GXYLT2: variants seen among roughly 807,000 people sequenced by gnomAD.
GXYLT2 encodes glycosyltransferase 8 domain containing 4.
In GXYLT2, 53 loss-of-function variants were observed where a neutral mutation model predicts 45.8. The ratio of observed to expected loss-of-function variants is 1.16; its 90% CI spans 0.93 to 1.46. The LOEUF (loss-of-function observed/expected upper bound fraction) is 1.46. GXYLT2 is among the 40% of genes most tolerant of loss of function. The pLI is 0.00. For missense variants in GXYLT2, 551 were observed against 544.4 expected (o/e 1.01, Z -0.12); for synonymous variants, 219 against 214.2 (o/e 1.02, Z -0.19).
At chr3:72,956,913 A>C (rs1710660945) in intron 4 of GXYLT2, among the ~76,000 whole-genome samples, 1 of 124,952 alleles carries the variant, frequency 8.0e-6, no homozygotes, top group African/African-American at 2.9e-5. Context: ...AAACAAAAAC[A>C]CAGGAAGGAA....
intron 2 of GXYLT2, 74 bp downstream of exon 2, chr3:72,908,633 T>C (rs1350954191): frequency 8.5e-7 from 1 of 1,176,874 alleles, no homozygotes; most frequent in East Asian, 2.4e-5. Context: ...GCATATTCTG[T>C]TAACTAATGT....
chr3:72,891,430 C>T (rs758017059), intron 1 of GXYLT2, among the ~76,000 whole-genome samples: 1 of 152,190 alleles, frequency 6.6e-6, no homozygotes, highest in Non-Finnish European at 1.5e-5. Context: ...CAAGGATTTG[C>T]CTCGTTAGTA....
intron 1 of GXYLT2, among the ~76,000 whole-genome samples, chr3:72,899,477 C>A (rs1049859884): frequency 6.6e-6 from 1 of 152,168 alleles, no homozygotes; most frequent in African/African-American, 2.4e-5. Flanking sequence ...AACTCGAAAC[C>A]ATGGGTCATT....
chr3:72,956,240 C>CT, intron 4 of GXYLT2, among the ~76,000 whole-genome samples: 1 of 151,122 alleles, frequency 6.6e-6, no homozygotes, highest in Non-Finnish European at 1.5e-5. Context: ...GACCCTGTCT[C>CT]TAAAAAAAGA....
chr3:72,972,642 G>GAAAAA (rs71126813), intron 6 of GXYLT2, among the ~76,000 whole-genome samples: 2 of 84,550 alleles, frequency 2.4e-5, no homozygotes, highest in South Asian at 4.4e-4. Flanking sequence ...CTCTGTCTCG[G>GAAAAA]AAAAAAAAAA....
chr3:72,961,533 G>C (rs756961289), intron 5 of GXYLT2, among the ~76,000 whole-genome samples: 1 of 151,664 alleles, frequency 6.6e-6, no homozygotes, highest in Non-Finnish European at 1.5e-5. Flanking sequence ...ATTCTATTCT[G>C]TCTCTCAGAC....
intron 5 of GXYLT2, among the ~76,000 whole-genome samples, chr3:72,966,551 C>T (rs1710870877): frequency 6.8e-6 from 1 of 148,020 alleles, no homozygotes; most frequent in South Asian, 2.1e-4. Flanking sequence ...CCTCTAACTC[C>T]TGGGCTCAAG....
At chr3:72,924,735 A>AG (rs1382696580) in intron 3 of GXYLT2, among the ~76,000 whole-genome samples, 1 of 152,062 alleles carries the variant, frequency 6.6e-6, no homozygotes, top group Non-Finnish European at 1.5e-5. Flanking sequence ...TAAGAGTTGA[A>AG]GGGGGAGTGA....
intron 3 of GXYLT2, among the ~76,000 whole-genome samples, chr3:72,945,095 G>A (rs57757190): frequency 0.11 from 17,057 of 148,646 alleles, 1,380 homozygotes; most frequent in East Asian, 0.31. Context: ...TGGCTAACAC[G>A]GTGAAACCCT....
chr3:72,905,365 G>T (rs546561132), intron 1 of GXYLT2, among the ~76,000 whole-genome samples: 1 of 152,126 alleles, frequency 6.6e-6, no homozygotes, highest in Non-Finnish European at 1.5e-5. Flanking sequence ...TGGTCTGCCC[G>T]CCTCGAACTC....
intron 1 of GXYLT2, among the ~76,000 whole-genome samples, chr3:72,904,939 C>T (rs1476080293): frequency 3.3e-5 from 5 of 149,594 alleles, no homozygotes; most frequent in African/African-American, 4.9e-5. Context: ...GTCCCAGCTA[C>T]TTGGGAGGCT....
chr3:72,916,261 G>C (rs111746081), intron 2 of GXYLT2, among the ~76,000 whole-genome samples: 1,719 of 149,878 alleles, frequency 0.011, 37 homozygotes, highest in African/African-American at 0.04. Context: ...AGAATACTGA[G>C]CACAGCCCCT....
intron 5 of GXYLT2, among the ~76,000 whole-genome samples, chr3:72,962,046 G>C (rs144695104): frequency 3.9e-5 from 6 of 152,248 alleles, no homozygotes; most frequent in Non-Finnish European, 7.4e-5. Context: ...CACTCACATG[G>C]GACAAGTCTC....
intron 6 of GXYLT2, among the ~76,000 whole-genome samples, chr3:72,969,072 A>G (rs1710933043): frequency 6.6e-6 from 1 of 150,820 alleles, no homozygotes; most frequent in Non-Finnish European, 1.5e-5. Flanking sequence ...CTCCATCTCA[A>G]AAAAAAAAGA....
At chr3:72,929,827 T>C (rs555966188) in intron 3 of GXYLT2, among the ~76,000 whole-genome samples, 56 of 152,234 alleles carry the variant, frequency 3.7e-4, no homozygotes, top group South Asian at 1.2e-3. Context: ...TTCGACTATA[T>C]AAATAATAGC....
chr3:72,926,427 G>A (rs781066502), intron 3 of GXYLT2, among the ~76,000 whole-genome samples: 7 of 152,132 alleles, frequency 4.6e-5, no homozygotes, highest in Admixed American at 3.9e-4. Flanking sequence ...TTGGTTAAGC[G>A]TTCTAAAATG....
intron 3 of GXYLT2, among the ~76,000 whole-genome samples, chr3:72,935,628 A>G (rs941639846): frequency 1.1e-4 from 16 of 152,232 alleles, no homozygotes; most frequent in Non-Finnish European, 1.5e-4. Flanking sequence ...AAAAAGTCAC[A>G]TTCCCCAAAC....
At chr3:72,909,677 C>G (rs954781778) in intron 2 of GXYLT2, among the ~76,000 whole-genome samples, 1 of 152,084 alleles carries the variant, frequency 6.6e-6, no homozygotes, top group African/African-American at 2.4e-5. Flanking sequence ...TGAGTTTTTT[C>G]CAGTACACAA....
chr3:72,895,060 G>C (rs943084349), intron 1 of GXYLT2, among the ~76,000 whole-genome samples: 3 of 152,202 alleles, frequency 2.0e-5, no homozygotes, highest in African/African-American at 7.2e-5. Context: ...CACAACAGAG[G>C]GCTAAGGGAA....
Sources: gnomAD v4.1 joint callset for allele counts (sites outside exome capture counted in the v4.1 genomes callset) on GRCh38, gnomAD v4.1.1 for gene constraint, MANE v1.5 for transcripts, NCBI Gene and HGNC (gene_info 2026-07-23, HGNC 2026-07-21) for gene names.